Variants in ZNF528 observed in about 807,000 individuals in gnomAD.
The protein encoded by ZNF528 is zinc finger protein 528.
In ZNF528, 9 loss-of-function variants were observed where a neutral mutation model predicts 13.3. That is an observed-to-expected ratio of 0.67 (90% CI 0.41 to 1.18). The LOEUF (loss-of-function observed/expected upper bound fraction) is 1.18, where lower values mean the gene tolerates loss of function less well. Ranked by LOEUF, ZNF528 falls within the 50% of genes most tolerant of loss-of-function variation. ZNF528 has a pLI of 0.01. For missense variants in ZNF528, 858 were observed against 745.4 expected (o/e 1.15, Z -1.76); for synonymous variants, 264 against 254.3 (o/e 1.04, Z -0.36).
chr19:52,406,347 A>G lies in ZNF528; in HGVS notation c.143-168A>G, dbSNP rs140404017. 7.9e-3 allele frequency among the ~76,000 whole-genome samples: 1,203 copies of G among 152,244 alleles called. 19 individuals carry two copies. The highest frequency in any genetic ancestry group is 0.037 in the Middle Eastern group (11 of 294). On this transcript the variant is annotated intron_variant, in intron 5 of 6. Transcript: ENST00000360465. ...TCTATAGTTCTTGGAAGGGGGCTCT[A>G]TGTCTGCATGTTACAATGTTCCCTA... is the stretch of plus-strand genomic sequence containing the variant.
At chr19:52,413,934 G>T in intron 6 of ZNF528, 3 of 357,572 alleles carry the variant, frequency 8.4e-6, no homozygotes, top group South Asian at 3.5e-5. Flanking sequence ...TGGAAACCAT[G>T]GGCCATGCAT....
In ZNF528 at chr19:52,406,022, T is replaced by C; in HGVS notation, c.131T>C (p.Leu44Pro). The C allele has an allele frequency of 6.2e-7, 1 of 1,610,194 alleles. No individual in the cohort carries two copies. The highest frequency in any genetic ancestry group is 8.5e-7 in the Non-Finnish European group (1 of 1,177,354). Residue 44 changes from leucine (L) to proline (P), a missense_variant, in exon 5 of 7, where the codon CTG becomes CCG. Coordinates refer to ENST00000360465, the MANE Select transcript of ZNF528 (RefSeq NM_032423.3). Reference sequence around the variant, plus strand: ...GTGATGTTGGAGAATTATAGGAACCTGGTCTCCCTGGGTGAGGATAATGTC... The same window carrying C: ...GTGATGTTGGAGAATTATAGGAACCCGGTCTCCCTGGGTGAGGATAATGTC... The part of the protein sequence containing the change: ...RDVMLENYRN[L>P]VSLGICLPDL...
chr19:52,398,586 A>G lies in ZNF528; in HGVS notation c.-170A>G. Reference sequence around the variant, plus strand: ...AGAAATTTTGAAAGAGAAATGAAGAATGAGAGACCCATTAACAGAAGGCAA... The same window carrying G: ...AGAAATTTTGAAAGAGAAATGAAGAGTGAGAGACCCATTAACAGAAGGCAA... On this transcript the variant is annotated 5_prime_UTR_variant, in exon 2 of 7. The change abolishes an upstream ATG in the 5' untranslated region. Coordinates refer to ENST00000360465, the MANE Select transcript of ZNF528 (RefSeq NM_032423.3). 1 of 985,470 alleles carries G rather than the reference A, an allele frequency of 1.0e-6. No homozygotes were observed. Among genetic ancestry groups the G allele is most frequent in the Non-Finnish European group, 1.2e-6 (1 of 829,956 alleles). 61.0% of individuals were successfully genotyped at this position (985,470 alleles called of 1,614,324 possible).
At chr19:52,407,433 A>G (rs1231031989) in intron 6 of ZNF528, among the ~76,000 whole-genome samples, 1 of 152,108 alleles carries the variant, frequency 6.6e-6, no homozygotes, top group African/African-American at 2.4e-5. Context: ...AGCCACAGCA[A>G]CCAGTAAGGT....
Position 52,417,544 on chromosome 19 carries a change from A to G in ZNF528, c.*805A>G, listed in dbSNP as rs2059017329. 1 of 152,558 alleles carries G rather than the reference A, an allele frequency of 6.6e-6. No homozygotes were observed. Among genetic ancestry groups the G allele is most frequent in the Non-Finnish European group, 1.5e-5 (1 of 68,338 alleles). 9.5% of individuals were successfully genotyped at this position (152,558 alleles called of 1,614,324 possible). Reference sequence around the variant, plus strand: ...TAGTGTCTGATTATATGGTAGAAATAATGCAAGGAAAAAGGTAGCCACCTT... The same window carrying G: ...TAGTGTCTGATTATATGGTAGAAATGATGCAAGGAAAAAGGTAGCCACCTT... On this transcript the variant is annotated 3_prime_UTR_variant, in exon 7 of 7. Transcript: ENST00000360465.
intron 6 of ZNF528, chr19:52,408,200 A>C (rs1430292514): frequency 6.8e-6 from 1 of 146,656 alleles, no homozygotes; most frequent in Non-Finnish European, 1.5e-5. Context: ...TTTTTTTCTG[A>C]GATGGAGTCT....
rs776556991 is a variant in ZNF528, at chr19:52,403,386, CAG to C, written c.15+1359_15+1360del. 2.3e-3 allele frequency among the ~76,000 whole-genome samples: 352 copies of C among 152,212 alleles called. 1 individual carries two copies. Among genetic ancestry groups the C allele is most frequent in the Middle Eastern group, 6.8e-3 (2 of 294 alleles). On this transcript the variant is annotated intron_variant, in intron 4 of 6. Transcript: ENST00000360465. ...ATATGTAAAAAATAGGTCACTGGGA[CAG>C]GGTGCAGTGGCTCACCCCTGTAATC...
chr19:52,406,165 G>A, intron 5 of ZNF528, 132 bp downstream of exon 5: 1 of 1,195,934 alleles, frequency 8.4e-7, no homozygotes, highest in Non-Finnish European at 1.2e-6. Flanking sequence ...TTGAAAAACT[G>A]TATTACACTT....
chr19:52,416,244 T>C lies in ZNF528; in HGVS notation c.1392T>C (p.Pro464=). Residue 464 remains proline (P), a synonymous_variant, in exon 7 of 7, where the codon CCT becomes CCC. Coordinates refer to ENST00000360465, the MANE Select transcript of ZNF528 (RefSeq NM_032423.3). ...TTCTAATCCATAGTGGAGAGAAACCTTATGAATGTAAAGAATGTGGCAAAG... is the reference window on the plus strand; with the variant it reads ...TTCTAATCCATAGTGGAGAGAAACCCTATGAATGTAAAGAATGTGGCAAAG... ...AHFLIHSGEK[P]YECKECGKVF... The C allele has an allele frequency of 6.2e-7, 1 of 1,613,948 alleles. No homozygotes were observed. Among genetic ancestry groups the C allele is most frequent in the Non-Finnish European group, 8.5e-7 (1 of 1,179,942 alleles).
In ZNF528 at chr19:52,417,100, T is replaced by C. The variant is rs910236369; in HGVS notation, c.*361T>C. ...GATGTATATCAAAGGTGCAACGGCTTGTAAATGACCAGTTTTATTCAGGCT... is the reference window on the plus strand; with the variant it reads ...GATGTATATCAAAGGTGCAACGGCTCGTAAATGACCAGTTTTATTCAGGCT... On this transcript the variant is annotated 3_prime_UTR_variant, in exon 7 of 7. Transcript: ENST00000360465. The C allele has an allele frequency of 1.7e-5, 4 of 239,106 alleles. No individual in the cohort carries two copies. The highest frequency in any genetic ancestry group is 9.0e-5 in the African/African-American group (4 of 44,426). The allele number at this position is 239,106 out of a possible 1,614,324, so 14.8% of individuals were successfully genotyped here.
In ZNF528 at chr19:52,415,454, T is replaced by A. The variant is rs758846335; in HGVS notation, c.602T>A (p.Leu201His). ...HGQVFRASASLTNQVIHNADN... is the reference protein window; with the variant it reads ...HGQVFRASASHTNQVIHNADN... ...CAAGTCTTTAGAGCATCTGCAAGCC[T>A]TACTAACCAAGTAATCCATAACGCA... Residue 201 changes from leucine to histidine, a missense_variant, in exon 7 of 7, where the codon CTT (leucine) becomes CAT (histidine). Transcript: ENST00000360465. 1.2e-6 allele frequency: 2 copies of A among 1,614,098 alleles called. No individual in the cohort carries two copies. Among genetic ancestry groups the A allele is most frequent in the Non-Finnish European group, 1.7e-6 (2 of 1,180,046 alleles).
At chr19:52,409,718 G>T (rs1377679421) in intron 6 of ZNF528, among the ~76,000 whole-genome samples, 1 of 151,208 alleles carries the variant, frequency 6.6e-6, no homozygotes, top group Admixed American at 6.6e-5. Context: ...GTTTGTTTTT[G>T]TTTTTGTTTT....
At chr19:52,414,172 C>T in intron 6 of ZNF528, 1 of 702,048 alleles carries the variant, frequency 1.4e-6, no homozygotes, top group South Asian at 1.5e-5. Context: ...GCCGACTCAT[C>T]CAGGTTTCCC....
Position 52,416,991 on chromosome 19 carries a change from C to CT in ZNF528, c.*253dup, listed in dbSNP as rs1397818512. 3 of 459,036 alleles carry CT rather than the reference C, an allele frequency of 6.5e-6. No homozygotes were observed. Among genetic ancestry groups the CT allele is most frequent in the African/African-American group, 1.9e-5 (1 of 51,956 alleles). The allele number at this position is 459,036 out of a possible 1,614,324, so 28.4% of individuals were successfully genotyped here. On this transcript the variant is annotated 3_prime_UTR_variant, in exon 7 of 7. Transcript: ENST00000360465. ...GATAGGATTTACACAAGAAGTAACT[C>CT]TGTCTCTGGTTCTCTGATACTAATC...
chr19:52,415,827 C>T lies in ZNF528; in HGVS notation c.975C>T (p.Tyr325=). Residue 325 remains tyrosine (Y), a synonymous_variant, in exon 7 of 7, where the codon TAC becomes TAT. Coordinates refer to ENST00000360465, the MANE Select transcript of ZNF528 (RefSeq NM_032423.3). ...AAATTCATACTGGAGAGAAACCTTA[C>T]AGTTGTAATAAATGTGGCAAGGTCT... is the stretch of plus-strand genomic sequence containing the variant. The part of the protein sequence containing the change: ...HQKIHTGEKP[Y]SCNKCGKVFS... The T allele has an allele frequency of 6.2e-7, 1 of 1,614,074 alleles. No homozygotes were observed. The highest frequency in any genetic ancestry group is 8.5e-7 in the Non-Finnish European group (1 of 1,179,972).
intron 6 of ZNF528, 196 bp downstream of exon 6, chr19:52,406,839 G>A (rs531553709): frequency 1.7e-6 from 1 of 597,008 alleles, no homozygotes; most frequent in East Asian, 3.2e-5. Context: ...ACCCTGCAAA[G>A]CCACACTATT....
chr19:52,409,109 C>T (rs746523234), intron 6 of ZNF528, among the ~76,000 whole-genome samples: 4 of 152,126 alleles, frequency 2.6e-5, no homozygotes, highest in Non-Finnish European at 5.9e-5. Context: ...TATCACCTCA[C>T]TGCTTTCTAG....
Position 52,417,031 on chromosome 19 carries a change from A to T in ZNF528, c.*292A>T, listed in dbSNP as rs571068909. On this transcript the variant is annotated 3_prime_UTR_variant, in exon 7 of 7. Coordinates refer to ENST00000360465, the MANE Select transcript of ZNF528 (RefSeq NM_032423.3). ...TGATACTAATCTATGATATTGCATG[A>T]TGCAGAATAATGCTAAGTCAAAATA... is the stretch of plus-strand genomic sequence containing the variant. The T allele has an allele frequency of 8.0e-5, 29 of 360,840 alleles. No homozygotes were observed. In the East Asian group the frequency reaches 1.3e-3, roughly 17 times the overall value. The allele number at this position is 360,840 out of a possible 1,614,324, so 22.4% of individuals were successfully genotyped here. A position where few individuals can be genotyped will look rare whatever the true frequency, so the allele number is the denominator to read the frequency against.
In ZNF528 at chr19:52,416,260, T is replaced by C. The variant is rs2059002522; in HGVS notation, c.1408T>C (p.Cys470Arg). 4 of 1,614,068 alleles carry C rather than the reference T, an allele frequency of 2.5e-6. No individual in the cohort carries two copies. The highest frequency in any genetic ancestry group is 3.4e-6 in the Non-Finnish European group (4 of 1,179,994). ...AGAGAAACCTTATGAATGTAAAGAA[T>C]GTGGCAAAGTCTTCAGGTACAAGTC... ...SGEKPYECKECGKVFRYKSSL... is the reference protein window; with the variant it reads ...SGEKPYECKERGKVFRYKSSL... The change falls in exon 7 of 7, where the codon TGT (cysteine) becomes CGT (arginine). Residue 470 changes from cysteine (C) to arginine (R), a missense_variant. By Grantham distance (180) the Cys-to-Arg change is radical. Coordinates refer to ENST00000360465, the MANE Select transcript of ZNF528 (RefSeq NM_032423.3).
Sources: gnomAD v4.1 joint callset for allele counts (sites outside exome capture counted in the v4.1 genomes callset) on GRCh38, gnomAD v4.1.1 for gene constraint, MANE v1.5 for transcripts, NCBI Gene and HGNC (gene_info 2026-07-23, HGNC 2026-07-21) for gene names.